PDZD8: variants seen among roughly 807,000 people sequenced by gnomAD.
The protein encoded by PDZD8 is PDZ domain-containing protein 8.
In PDZD8, 14 loss-of-function variants were observed where a neutral mutation model predicts 85.8. The observed-to-expected ratio is 0.16, with a 90% CI of 0.11 to 0.26. PDZD8 has a LOEUF of 0.26. Among genes scored for constraint, PDZD8 ranks in the 10% least tolerant of loss-of-function variants. The pLI, the probability that PDZD8 is intolerant of heterozygous loss-of-function variation, is 1.00. For missense variants in PDZD8, 1,197 were observed against 1,424.3 expected, an observed-to-expected ratio of 0.84 and a Z score of 2.57; for synonymous variants, 592 against 568.6, an observed-to-expected ratio of 1.04 and a Z score of -0.59.
intron 1 of PDZD8, among the ~76,000 whole-genome samples, chr10:117,355,546 T>C (rs1381215282): frequency 6.6e-6 from 1 of 152,186 alleles, no homozygotes; most frequent in Non-Finnish European, 1.5e-5. Context: ...TGGAATCCTA[T>C]TGTGTCACTT....
intron 2 of PDZD8, among the ~76,000 whole-genome samples, chr10:117,338,178 G>A (rs1312806471): frequency 3.9e-5 from 6 of 152,088 alleles, no homozygotes; most frequent in South Asian, 2.1e-4. Flanking sequence ...AGTTTTTAAC[G>A]GAAAGAATGT....
At chr10:117,300,490 TG>T (rs551715717) in intron 3 of PDZD8, among the ~76,000 whole-genome samples, 18 of 152,242 alleles carry the variant, frequency 1.2e-4, no homozygotes, top group Non-Finnish European at 2.5e-4. Flanking sequence ...CAAACATTTC[TG>T]TCACAAAGCC....
At chr10:117,361,241 C>T (rs572761806) in intron 1 of PDZD8, among the ~76,000 whole-genome samples, 15 of 151,636 alleles carry the variant, frequency 9.9e-5, no homozygotes, top group South Asian at 4.2e-4. Context: ...ACGACTGAGT[C>T]GGGGCAATTT....
chr10:117,323,668 G>A (rs1844265431), intron 2 of PDZD8, among the ~76,000 whole-genome samples: 1 of 152,130 alleles, frequency 6.6e-6, no homozygotes, highest in African/African-American at 2.4e-5. Context: ...ATGAATGTAA[G>A]AGGCAGAACA....
At chr10:117,325,995 C>T (rs895240654) in intron 2 of PDZD8, among the ~76,000 whole-genome samples, 3 of 152,140 alleles carry the variant, frequency 2.0e-5, no homozygotes, top group Admixed American at 6.5e-5. Flanking sequence ...AAGTGTCTGG[C>T]ATTTCCCCTG....
intron 4 of PDZD8, among the ~76,000 whole-genome samples, chr10:117,287,062 A>G (rs1345536323): frequency 6.6e-6 from 1 of 152,152 alleles, no homozygotes; most frequent in Admixed American, 6.5e-5. Flanking sequence ...ATATGAAGCT[A>G]CCTTTTCTCC....
At chr10:117,335,467 C>G (rs1357105991) in intron 2 of PDZD8, among the ~76,000 whole-genome samples, 1 of 152,150 alleles carries the variant, frequency 6.6e-6, no homozygotes, top group Non-Finnish European at 1.5e-5. Context: ...CTTTAAAGGA[C>G]AGATAACAGT....
chr10:117,343,464 A>G (rs1844651554), intron 1 of PDZD8, among the ~76,000 whole-genome samples: 1 of 152,196 alleles, frequency 6.6e-6, no homozygotes, highest in Admixed American at 6.5e-5. Context: ...ATTTATATCA[A>G]TATAATGTTG....
At chr10:117,347,062 AC>A (rs1461831035) in intron 1 of PDZD8, among the ~76,000 whole-genome samples, 2 of 151,802 alleles carry the variant, frequency 1.3e-5, no homozygotes, top group Non-Finnish European at 2.9e-5. Context: ...CCTCTCCTAA[AC>A]CCACCCCTCC....
chr10:117,328,783 T>C (rs1844363412), intron 2 of PDZD8, among the ~76,000 whole-genome samples: 2 of 152,186 alleles, frequency 1.3e-5, no homozygotes, highest in Admixed American at 1.3e-4. Flanking sequence ...TCTTAATTCA[T>C]GAATCATAAA....
In PDZD8 at chr10:117,277,528, G is replaced by C; in HGVS notation, c.*5740C>G. Reference sequence around the variant, plus strand: ...TATTAAATATCATACAATATATTTTGATGAAATAGGTATTGTGTAAATCTA... The same window carrying C: ...TATTAAATATCATACAATATATTTTCATGAAATAGGTATTGTGTAAATCTA... On this transcript the variant is annotated 3_prime_UTR_variant, in exon 5 of 5. Transcript: ENST00000334464. The C allele has an allele frequency of 4.8e-6, 1 of 208,560 alleles. No individual in the cohort carries two copies. Among genetic ancestry groups the C allele is most frequent in the Non-Finnish European group, 9.5e-6 (1 of 105,346 alleles). The allele number at this position is 208,560 out of a possible 1,614,324, so 12.9% of individuals were successfully genotyped here.
At chr10:117,353,147 T>C (rs964280693) in intron 1 of PDZD8, among the ~76,000 whole-genome samples, 2 of 152,250 alleles carry the variant, frequency 1.3e-5, no homozygotes, top group African/African-American at 4.8e-5. Flanking sequence ...GTGTCAATCA[T>C]GGGCTCTCTA....
chr10:117,374,892 G>A lies in PDZD8; in HGVS notation c.336C>T (p.Thr112=), dbSNP rs1845266788. 1 of 1,613,372 alleles carries A rather than the reference G, an allele frequency of 6.2e-7. No individual in the cohort carries two copies. Among genetic ancestry groups the A allele is most frequent in the Non-Finnish European group, 8.5e-7 (1 of 1,179,898 alleles). Residue 112 remains threonine, a synonymous_variant, in exon 1 of 5, where the codon ACC becomes ACT. Coordinates refer to ENST00000334464, the MANE Select transcript of PDZD8 (RefSeq NM_173791.5). The surrounding 1 kb of genome is among the most constrained non-coding windows in gnomAD (Gnocchi z 7.8). The part of the protein sequence containing the change: ...ILFLFRELRD[T]ALTRRWVTKK... ...TGGTGACCCAGCGGCGGGTCAGCGC[G>A]GTGTCCCGCAACTCCCGGAACAGGA...
intron 2 of PDZD8, among the ~76,000 whole-genome samples, chr10:117,326,978 T>C (rs1259167711): frequency 6.6e-6 from 1 of 152,190 alleles, no homozygotes; most frequent in East Asian, 1.9e-4. Context: ...GGGACCCTGC[T>C]TAGGGAACAT....
intron 1 of PDZD8, among the ~76,000 whole-genome samples, chr10:117,358,897 AAG>A (rs1420911680): frequency 1.3e-5 from 2 of 152,138 alleles, no homozygotes; most frequent in Non-Finnish European, 2.9e-5. Flanking sequence ...TATCTATATT[AAG>A]GATGAATTCC....
chr10:117,339,610 A>T (rs1342844521), intron 2 of PDZD8, among the ~76,000 whole-genome samples: 1 of 152,238 alleles, frequency 6.6e-6, no homozygotes, highest in East Asian at 1.9e-4. Context: ...ATTTTATAAC[A>T]TATGAAAATT....
intron 3 of PDZD8, among the ~76,000 whole-genome samples, chr10:117,312,049 C>G (rs1297751347): frequency 1.3e-5 from 2 of 152,060 alleles, no homozygotes; most frequent in African/African-American, 4.8e-5. Context: ...ATTGGTCAAA[C>G]CTAGCTGAAA....
chr10:117,314,354 A>T (rs1844087865), intron 3 of PDZD8: 1 of 152,208 alleles, frequency 6.6e-6, no homozygotes, highest in Admixed American at 6.5e-5. Flanking sequence ...AAACAGAAAG[A>T]AAAAGTCCAA....
intron 2 of PDZD8, among the ~76,000 whole-genome samples, chr10:117,319,355 CACAT>C (rs1458209568): frequency 1.3e-5 from 2 of 151,264 alleles, no homozygotes; most frequent in East Asian, 1.9e-4. Context: ...CTCTGTAAAA[CACAT>C]ACACACACTA....
Sources: allele counts gnomAD v4.1 joint callset (sites outside exome capture counted in the v4.1 genomes callset), GRCh38; gene constraint gnomAD v4.1.1; non-coding constraint Gnocchi (gnomAD v3.1); transcripts MANE v1.5; gene names NCBI Gene and HGNC (gene_info 2026-07-23, HGNC 2026-07-21).